CNBD1: variants seen among roughly 807,000 people sequenced by gnomAD.
The protein encoded by CNBD1 is cyclic nucleotide-binding domain-containing protein 1.
In CNBD1, 71 loss-of-function variants were observed where a neutral mutation model predicts 54.4. That is an observed-to-expected ratio of 1.30 (90% CI 1.08 to 1.59). CNBD1 has a LOEUF of 1.59. Among genes scored for constraint, CNBD1 ranks in the 40% most tolerant of loss-of-function variants. The probability of loss-of-function intolerance (pLI) is 0.00; values close to 1 mark genes in which losing one functional copy is unlikely to be tolerated. For missense variants in CNBD1, 659 were observed against 518.0 expected (o/e 1.27, Z -2.64); for synonymous variants, 182 against 170.7 (o/e 1.07, Z -0.51).
intron 4 of CNBD1, among the ~76,000 whole-genome samples, chr8:87,030,049 C>A (rs1809747368): frequency 6.6e-6 from 1 of 152,154 alleles, no homozygotes. Flanking sequence ...TTTAACACAT[C>A]TGCTCAGTTT....
chr8:87,360,116 T>C lies in CNBD1; in HGVS notation c.1303+6330T>C, dbSNP rs935721526. Among the ~76,000 whole-genome samples, 4 of 152,018 alleles carry C rather than the reference T, an allele frequency of 2.6e-5. No homozygotes were observed. In the South Asian group the frequency reaches 8.3e-4, roughly 31 times the overall value. ...GTTCATCTTGAATGAATCAACAATA[T>C]TTGGTAAATACCCAAAGAGAGCAAT... is the stretch of plus-strand genomic sequence containing the variant. On this transcript the variant is annotated intron_variant, in intron 10 of 10. Transcript: ENST00000518476.
At chr8:87,223,192 C>A (rs904842511) in intron 5 of CNBD1, among the ~76,000 whole-genome samples, 1 of 150,502 alleles carries the variant, frequency 6.6e-6, no homozygotes, top group African/African-American at 2.4e-5. Context: ...TTTACCTCCC[C>A]ACCTTTTTGC....
At chr8:87,351,843 A>G in intron 9 of CNBD1, 49 bp downstream of exon 9, 1 of 1,364,390 alleles carries the variant, frequency 7.3e-7, no homozygotes, top group Non-Finnish European at 9.5e-7. Flanking sequence ...TACTCTAAAG[A>G]ATAGTGTCAG....
At position 87,428,054 on chromosome 8, in the gene CNBD1, A is replaced by G. The variant is rs570474487; in HGVS notation, c.214-492A>G. Reference sequence around the variant, plus strand: ...TTTCTTTTTATTCTCATACATGCCCATACTTAAATAAGAAATTATCTACCT... The same window carrying G: ...TTTCTTTTTATTCTCATACATGCCCGTACTTAAATAAGAAATTATCTACCT... On this transcript the variant is annotated intron_variant, in intron 2 of 7. Coordinates refer to the CNBD1 transcript ENST00000521593. Among the ~76,000 whole-genome samples, 214 of 152,022 alleles carry G rather than the reference A, an allele frequency of 1.4e-3. 2 individuals carry two copies. The highest frequency in any genetic ancestry group is 4.3e-3 in the African/African-American group (180 of 41,474).
intron 2 of CNBD1, among the ~76,000 whole-genome samples, chr8:87,413,596 C>G (rs1229478080): frequency 6.6e-6 from 1 of 152,080 alleles, no homozygotes; most frequent in African/African-American, 2.4e-5. Flanking sequence ...AAGGCATCTA[C>G]AGTGTACACA....
At position 86,872,697 on chromosome 8, in the gene CNBD1, T is replaced by A. The variant is rs191801841; in HGVS notation, c.88+6114T>A. 2.2e-4 allele frequency among the ~76,000 whole-genome samples: 34 copies of A among 152,306 alleles called. 1 individual carries two copies. Among genetic ancestry groups the A allele is most frequent in the African/African-American group, 7.2e-4 (30 of 41,578 alleles). ...GATGATTAGAGATATTGACTTTTTT[T>A]TGTTGGCCATTCATGGGTCTTATTC... is the stretch of plus-strand genomic sequence containing the variant. On this transcript the variant is annotated intron_variant, in intron 1 of 10. Coordinates refer to ENST00000518476, the MANE Select transcript of CNBD1 (RefSeq NM_173538.3).
chr8:86,934,972 A>G (rs1470273527), intron 3 of CNBD1, among the ~76,000 whole-genome samples: 2 of 152,100 alleles, frequency 1.3e-5, no homozygotes, highest in African/African-American at 4.8e-5. Context: ...TGGAAACTAC[A>G]TATGACTTTT....
At chr8:87,096,805 T>C (rs375776257) in intron 4 of CNBD1, among the ~76,000 whole-genome samples, 32 of 99,254 alleles carry the variant, frequency 3.2e-4, no homozygotes, top group Admixed American at 2.4e-3. Context: ...TTTTCTTCCC[T>C]TTTTTTTTTT....
intron 4 of CNBD1, among the ~76,000 whole-genome samples, chr8:86,986,261 A>G (rs928047363): frequency 3.3e-5 from 5 of 152,100 alleles, no homozygotes; most frequent in African/African-American, 1.2e-4. Flanking sequence ...TTCTCTGACA[A>G]TTAGTGATGA....
chr8:87,415,063 G>C (rs1338191890), intron 2 of CNBD1, among the ~76,000 whole-genome samples: 2 of 152,082 alleles, frequency 1.3e-5, no homozygotes, highest in Admixed American at 1.3e-4. Context: ...GGCAAGAAAT[G>C]TGAGCAGTAG....
At chr8:87,300,247 T>G (rs553758666) in intron 8 of CNBD1, among the ~76,000 whole-genome samples, 1 of 152,300 alleles carries the variant, frequency 6.6e-6, no homozygotes, top group East Asian at 1.9e-4. Flanking sequence ...GGAAACTATT[T>G]TAACAAAATA....
intron 4 of CNBD1, among the ~76,000 whole-genome samples, chr8:87,036,396 C>A (rs1213886808): frequency 6.6e-6 from 1 of 151,900 alleles, no homozygotes; most frequent in African/African-American, 2.4e-5. Context: ...AGATCGAGAC[C>A]ATCCTGGCTG....
chr8:87,231,859 T>G (rs548696281), intron 5 of CNBD1, among the ~76,000 whole-genome samples: 10 of 152,158 alleles, frequency 6.6e-5, no homozygotes, highest in African/African-American at 2.2e-4. Context: ...TCCCAGATCC[T>G]TAGCAAGATA....
chr8:87,366,861 C>T (rs1810652741), intron 10 of CNBD1, among the ~76,000 whole-genome samples: 1 of 152,034 alleles, frequency 6.6e-6, no homozygotes. Flanking sequence ...TTAATTGTTA[C>T]TGTTATAAAC....
At chr8:86,869,347 C>CACA (rs58298303) in intron 1 of CNBD1, among the ~76,000 whole-genome samples, 76,192 of 151,366 alleles carry the variant, frequency 0.5, 19,405 homozygotes, top group South Asian at 0.58. Context: ...AAACTCTACT[C>CACA]ACAACAACAA....
chr8:87,144,697 T>C (rs755122979), intron 4 of CNBD1, among the ~76,000 whole-genome samples: 1 of 151,982 alleles, frequency 6.6e-6, no homozygotes, highest in Non-Finnish European at 1.5e-5. Flanking sequence ...GGCATGCACC[T>C]GTAATCCCAG....
intron 5 of CNBD1, among the ~76,000 whole-genome samples, chr8:87,221,747 C>G (rs1219102570): frequency 6.6e-6 from 1 of 152,026 alleles, no homozygotes; most frequent in Admixed American, 6.6e-5. Flanking sequence ...AAGGCTATTT[C>G]AATAGACGCT....
intron 4 of CNBD1, among the ~76,000 whole-genome samples, chr8:86,963,588 C>T (rs116903865): frequency 0.017 from 2,635 of 152,220 alleles, 28 homozygotes; most frequent in Non-Finnish European, 0.026. Context: ...AAGTCCTCCT[C>T]AAACAAGGGA....
intron 4 of CNBD1, among the ~76,000 whole-genome samples, chr8:86,980,294 C>G (rs1429041807): frequency 1.3e-5 from 2 of 152,222 alleles, no homozygotes; most frequent in Non-Finnish European, 2.9e-5. Flanking sequence ...GCCACCAGCT[C>G]TGAGCAAGAG....
Sources: gnomAD v4.1 joint callset for allele counts (sites outside exome capture counted in the v4.1 genomes callset) on GRCh38, gnomAD v4.1.1 for gene constraint, MANE v1.5 for transcripts, NCBI Gene and HGNC (gene_info 2026-07-23, HGNC 2026-07-21) for gene names.